MARCHF1: variants seen among roughly 807,000 people sequenced by gnomAD.
MARCHF1 encodes membrane associated ring-CH-type finger 1.
A neutral mutation model predicts 54.2 loss-of-function variants in MARCHF1; 40 were observed. The ratio of observed to expected loss-of-function variants is 0.74; its 90% CI spans 0.57 to 0.96. The LOEUF (loss-of-function observed/expected upper bound fraction) is 0.96, where lower values mean the gene tolerates loss of function less well. Among genes scored for constraint, MARCHF1 ranks in the 40% least tolerant of loss-of-function variants. The probability of loss-of-function intolerance (pLI) is 0.00; values close to 1 mark genes in which losing one functional copy is unlikely to be tolerated. For missense variants in MARCHF1, 586 were observed against 656.5 expected, an observed-to-expected ratio of 0.89 and a Z score of 1.17; for synonymous variants, 236 against 236.3, an observed-to-expected ratio of 1.00 and a Z score of 0.01.
intron 2 of MARCHF1, among the ~76,000 whole-genome samples, chr4:164,068,605 G>A (rs1324925799): frequency 6.6e-6 from 1 of 152,150 alleles, no homozygotes; most frequent in Non-Finnish European, 1.5e-5. Context: ...GCAGCACTCG[G>A]GACCTGCAAC....
Position 163,528,033 on chromosome 4 carries a change from T to TAAGA in MARCHF1, c.*711_*714dup, listed in dbSNP as rs777445757. 6.6e-6 allele frequency: 1 copy of TAAGA among 152,496 alleles called. No homozygotes were observed. The highest frequency in any genetic ancestry group is 1.5e-5 in the Non-Finnish European group (1 of 67,964). 9.4% of individuals were successfully genotyped at this position (152,496 alleles called of 1,614,324 possible). ...TAGAGGAACCAGATGAAAATAAATATAAGACCTGATAACAGTTCTGTGGGT... is the reference window on the plus strand; with the variant it reads ...TAGAGGAACCAGATGAAAATAAATATAAGAAAGACCTGATAACAGTTCTGTGGGT... On this transcript the variant is annotated 3_prime_UTR_variant, in exon 10 of 10. Transcript: ENST00000514618.
intron 1 of MARCHF1, among the ~76,000 whole-genome samples, chr4:164,155,334 C>CAAAA (rs11402101): frequency 6.7e-6 from 1 of 149,458 alleles, no homozygotes; most frequent in Non-Finnish European, 1.5e-5. Flanking sequence ...ACTAAACTTT[C>CAAAA]AAAAAAAAAA....
At chr4:164,220,551 T>C (rs28522011) in intron 1 of MARCHF1, among the ~76,000 whole-genome samples, 215 of 145,730 alleles carry the variant, frequency 1.5e-3, no homozygotes, top group African/African-American at 4.1e-3. Context: ...ATATGTACTA[T>C]ATATGATATA....
intron 1 of MARCHF1, among the ~76,000 whole-genome samples, chr4:164,175,506 T>TAGGC (rs1233188390): frequency 1.3e-5 from 2 of 152,242 alleles, no homozygotes; most frequent in East Asian, 3.8e-4. Context: ...TCAACTTGGC[T>TAGGC]AGGCCATGGT....
intron 3 of MARCHF1, among the ~76,000 whole-genome samples, chr4:163,861,502 A>G (rs963920714): frequency 1.3e-5 from 2 of 152,122 alleles, no homozygotes; most frequent in South Asian, 4.1e-4. Context: ...ACAGCATCAA[A>G]TATTATCTAG....
chr4:164,359,097 C>T (rs1318282072), intron 1 of MARCHF1, among the ~76,000 whole-genome samples: 3 of 151,950 alleles, frequency 2.0e-5, no homozygotes, highest in African/African-American at 7.3e-5. Context: ...ATTTCTAGTG[C>T]GATAGATATA....
At chr4:163,625,660 T>A (rs1029434994) in intron 5 of MARCHF1, among the ~76,000 whole-genome samples, 100 of 152,340 alleles carry the variant, frequency 6.6e-4, no homozygotes, top group African/African-American at 2.3e-3. Context: ...ACAAAATGAA[T>A]GAACTCAGTC....
chr4:164,244,978 C>T (rs969598755), intron 1 of MARCHF1, among the ~76,000 whole-genome samples: 2 of 152,244 alleles, frequency 1.3e-5, no homozygotes, highest in South Asian at 4.1e-4. Context: ...AGCTTACCAG[C>T]CAAAAAGAGT....
chr4:164,232,525 A>G (rs1289858826), intron 1 of MARCHF1, among the ~76,000 whole-genome samples: 1 of 152,178 alleles, frequency 6.6e-6, no homozygotes, highest in Non-Finnish European at 1.5e-5. Context: ...CATACCCTGA[A>G]GGTTAGAACT....
At chr4:163,822,370 C>T (rs535456744) in intron 4 of MARCHF1, among the ~76,000 whole-genome samples, 1 of 151,832 alleles carries the variant, frequency 6.6e-6, no homozygotes, top group African/African-American at 2.4e-5. Flanking sequence ...TATGTATTTG[C>T]CAATTATATG....
At chr4:164,190,277 T>A in intron 1 of MARCHF1, 1 of 904,224 alleles carries the variant, frequency 1.1e-6, no homozygotes, top group Admixed American at 2.2e-5. Context: ...GCAAACTCTA[T>A]GGAAGTGCAA....
intron 1 of MARCHF1, among the ~76,000 whole-genome samples, chr4:164,184,427 A>G (rs1730913238): frequency 1.3e-5 from 2 of 152,322 alleles, no homozygotes; most frequent in South Asian, 4.1e-4. Flanking sequence ...CACATTGAAG[A>G]GAAAGTAATT....
In MARCHF1 at chr4:163,881,714, T is replaced by C. The variant is rs1440699038; in HGVS notation, c.-38-27545A>G. Among the ~76,000 whole-genome samples the C allele has an allele frequency of 4.3e-5, 6 of 138,020 alleles. No individual in the cohort carries two copies. In the East Asian group the frequency reaches 1.2e-3, roughly 28 times the overall value. The allele number at this position is 138,020 out of a possible 152,430, so 90.5% of individuals were successfully genotyped here. On this transcript the variant is annotated intron_variant, in intron 3 of 9. Coordinates refer to ENST00000514618, the MANE Select transcript of MARCHF1 (RefSeq NM_001394959.1). ...AATATATGGAATGTAGGAAATACTA[T>C]CCAGGAATGTATGGACAGATTCAAT... is the stretch of plus-strand genomic sequence containing the variant.
intron 8 of MARCHF1, among the ~76,000 whole-genome samples, chr4:163,551,741 C>G (rs1384104594): frequency 2.0e-5 from 3 of 152,122 alleles, no homozygotes; most frequent in Non-Finnish European, 4.4e-5. Context: ...ATGGCTTCCC[C>G]CATACTGTTC....
chr4:164,378,910 A>C (rs1428817164), intron 1 of MARCHF1, among the ~76,000 whole-genome samples: 1 of 151,904 alleles, frequency 6.6e-6, no homozygotes, highest in Non-Finnish European at 1.5e-5. Context: ...ATGGGGTTTC[A>C]CCATGTTGGC....
At chr4:163,581,451 G>A (rs1740229718) in intron 8 of MARCHF1, among the ~76,000 whole-genome samples, 1 of 152,226 alleles carries the variant, frequency 6.6e-6, no homozygotes, top group East Asian at 1.9e-4. Context: ...CATTCAAAGG[G>A]TGCAGGAAGA....
chr4:164,074,714 G>A (rs2111099172), intron 2 of MARCHF1, among the ~76,000 whole-genome samples: 1 of 152,024 alleles, frequency 6.6e-6, no homozygotes, highest in African/African-American at 2.4e-5. Flanking sequence ...ATGAAAACAG[G>A]TTATGTATAG....
At chr4:163,956,440 T>C (rs560320440) in intron 3 of MARCHF1, among the ~76,000 whole-genome samples, 1 of 152,258 alleles carries the variant, frequency 6.6e-6, no homozygotes, top group East Asian at 1.9e-4. Context: ...AGTACTGTTG[T>C]CCGAATATCA....
chr4:163,876,057 A>G (rs1163157337), intron 3 of MARCHF1, among the ~76,000 whole-genome samples: 4 of 152,142 alleles, frequency 2.6e-5, no homozygotes, highest in African/African-American at 9.6e-5. Context: ...TGTAGACACA[A>G]TCTCTTTATT....
Sources: allele counts gnomAD v4.1 joint callset (sites outside exome capture counted in the v4.1 genomes callset), GRCh38; gene constraint gnomAD v4.1.1; transcripts MANE v1.5; gene names NCBI Gene and HGNC (gene_info 2026-07-23, HGNC 2026-07-21).